UGT1A4: variants seen among roughly 807,000 people sequenced by gnomAD.
UGT1A4 encodes the protein UDP-glucuronosyltransferase 1A4.
UGT1A4 carries 32 observed loss-of-function variants against 41.1 expected under a neutral mutation model. The observed-to-expected ratio is 0.78, with a 90% CI of 0.59 to 1.05. The LOEUF (loss-of-function observed/expected upper bound fraction) is 1.05, where lower values mean the gene tolerates loss of function less well. Ranked by LOEUF, UGT1A4 falls within the 50% of genes least tolerant of loss-of-function variation. The pLI is 0.00. For missense variants in UGT1A4, 748 were observed against 677.4 expected (o/e 1.10, Z -1.16); for synonymous variants, 283 against 265.1 (o/e 1.07, Z -0.66).
chr2:233,752,759 A>G (rs942722882), intron 1 of UGT1A4, among the ~76,000 whole-genome samples: 3 of 152,242 alleles, frequency 2.0e-5, no homozygotes, highest in African/African-American at 7.2e-5. Context: ...ACAAACAAAC[A>G]AACAAACAAA....
chr2:233,767,880 C>G lies in UGT1A4; in HGVS notation c.1031C>G (p.Ser344Trp), dbSNP rs144978321. Reference sequence around the variant, plus strand: ...TGGCGGTACACTGGAACCCGACCATCGAATCTTGCGAACAACACGATACTT... The same window carrying G: ...TGGCGGTACACTGGAACCCGACCATGGAATCTTGCGAACAACACGATACTT... Reference protein sequence around the residue: ...VLWRYTGTRPSNLANNTILVK... With the variant: ...VLWRYTGTRPWNLANNTILVK... Residue 344 changes from serine to tryptophan, a missense_variant, in exon 3 of 5, where the codon TCG becomes TGG. By Grantham distance (177) the Ser-to-Trp change is radical. Transcript: ENST00000373409. 6.2e-7 allele frequency: 1 copy of G among 1,614,168 alleles called. No individual in the cohort carries two copies. The highest frequency in any genetic ancestry group is 1.7e-5 in the Admixed American group (1 of 60,018).
intron 1 of UGT1A4, among the ~76,000 whole-genome samples, chr2:233,727,802 A>G (rs1335895993): frequency 2.0e-5 from 3 of 152,156 alleles, no homozygotes; most frequent in East Asian, 1.9e-4. Context: ...TGCCTGTCCC[A>G]TGGGTTCTGT....
intron 1 of UGT1A4, chr2:233,721,540 A>T (rs10929293): frequency 0.087 from 14,555 of 166,976 alleles, 833 homozygotes; most frequent in East Asian, 0.2. Context: ...CCATAGGTAA[A>T]TTTTTTCTTC....
At chr2:233,763,150 C>G (rs1298092077) in intron 1 of UGT1A4, among the ~76,000 whole-genome samples, 1 of 152,214 alleles carries the variant, frequency 6.6e-6, no homozygotes, top group Non-Finnish European at 1.5e-5. Context: ...CCATAAAAGT[C>G]TAAGTGGTGA....
intron 1 of UGT1A4, among the ~76,000 whole-genome samples, chr2:233,724,415 C>T (rs1413397133): frequency 1.7e-4 from 22 of 126,854 alleles, no homozygotes; most frequent in East Asian, 7.8e-4. Flanking sequence ...GGGTGGCTGC[C>T]GGGCGGAGAG....
intron 1 of UGT1A4, among the ~76,000 whole-genome samples, chr2:233,738,445 C>T (rs1322346055): frequency 2.6e-5 from 4 of 152,306 alleles, no homozygotes; most frequent in Non-Finnish European, 5.9e-5. Context: ...GCTCAGAAGA[C>T]AGGAAGATGT....
At chr2:233,738,852 A>G (rs1448497943) in intron 1 of UGT1A4, 2 of 152,248 alleles carry the variant, frequency 1.3e-5, no homozygotes, top group Admixed American at 1.3e-4. Flanking sequence ...AATCACCAAG[A>G]CAATGGGGAA....
chr2:233,771,657 A>G (rs1277760780), intron 4 of UGT1A4: 1 of 152,474 alleles, frequency 6.6e-6, no homozygotes, highest in Non-Finnish European at 1.5e-5. Flanking sequence ...AATATAATGA[A>G]ATTTCTCACA....
chr2:233,763,100 C>T (rs888370802), intron 1 of UGT1A4, among the ~76,000 whole-genome samples: 9 of 152,128 alleles, frequency 5.9e-5, no homozygotes, highest in Non-Finnish European at 7.3e-5. Context: ...GGAGAGGCAC[C>T]GAACTTTATC....
intron 1 of UGT1A4, among the ~76,000 whole-genome samples, chr2:233,757,184 G>A (rs1386483916): frequency 6.6e-6 from 1 of 151,202 alleles, no homozygotes; most frequent in Non-Finnish European, 1.5e-5. Context: ...CAAGGCAGAG[G>A]ACTCTGAATT....
chr2:233,747,089 ACTCTAT>A, intron 1 of UGT1A4: 1 of 1,215,556 alleles, frequency 8.2e-7, no homozygotes. Context: ...GGAGGAGAGC[ACTCTAT>A]CTTCCAATTA....
chr2:233,769,480 CGT>C lies in UGT1A4; in HGVS notation c.1307+1046_1307+1047del. 6.3e-7 allele frequency: 1 copy of C among 1,596,850 alleles called. No individual in the cohort carries two copies. Among genetic ancestry groups the C allele is most frequent in the East Asian group, 2.2e-5 (1 of 44,628 alleles). ...ATTCATATGCGTGTGTGTGTGTGTG[CGT>C]GTGTTTATGAGAGTGTCCATTGCTT... On this transcript the variant is annotated intron_variant, in intron 4 of 4. Transcript: ENST00000373409. The surrounding 1 kb of genome is among the most constrained non-coding windows in gnomAD (Gnocchi z 4.4).
At chr2:233,751,721 A>G (rs1455896739) in intron 1 of UGT1A4, among the ~76,000 whole-genome samples, 3 of 152,224 alleles carry the variant, frequency 2.0e-5, no homozygotes, top group African/African-American at 7.2e-5. Context: ...CTCACAAGTG[A>G]ACTCTTCCTC....
At chr2:233,732,356 G>A (rs946467388) in intron 1 of UGT1A4, among the ~76,000 whole-genome samples, 35 of 152,232 alleles carry the variant, frequency 2.3e-4, no homozygotes, top group Non-Finnish European at 4.6e-4. Context: ...TAGTCATGAA[G>A]TCCTGGCCCA....
chr2:233,724,277 C>T (rs1162056701), intron 1 of UGT1A4, among the ~76,000 whole-genome samples: 28 of 115,674 alleles, frequency 2.4e-4, no homozygotes, highest in Admixed American at 3.4e-4. Flanking sequence ...GGCGGCTGGC[C>T]GGGCGGGGGG....
At chr2:233,730,253 A>G (rs1350953092) in intron 1 of UGT1A4, among the ~76,000 whole-genome samples, 3 of 152,152 alleles carry the variant, frequency 2.0e-5, no homozygotes, top group Non-Finnish European at 4.4e-5. Context: ...TGTGACTCAT[A>G]GAGACTGTTG....
chr2:233,724,455 C>T lies in UGT1A4; in HGVS notation c.867+4768C>T, dbSNP rs528357739. The stretch of plus-strand genomic sequence containing the variant: ...CTCACTTCTCAGACAGGGCAGCTGC[C>T]GGGCGGAGGGGCTCCTCACTTCTCA... On this transcript the variant is annotated intron_variant, in intron 1 of 4. Transcript: ENST00000373409. Among the ~76,000 whole-genome samples, 1,260 of 127,892 alleles carry T rather than the reference C, an allele frequency of 9.9e-3. 63 individuals carry two copies. The highest frequency in any genetic ancestry group is 0.036 in the African/African-American group (1,175 of 32,784). 83.9% of individuals were successfully genotyped at this position (127,892 alleles called of 152,430 possible).
intron 4 of UGT1A4, chr2:233,770,023 G>A (rs1575848651): frequency 6.2e-6 from 1 of 160,986 alleles, no homozygotes; most frequent in Non-Finnish European, 1.4e-5. Flanking sequence ...TTCTTTCCCT[G>A]CACTGTTGAA....
chr2:233,725,031 A>T (rs1445155705), intron 1 of UGT1A4, among the ~76,000 whole-genome samples: 4 of 148,206 alleles, frequency 2.7e-5, no homozygotes, highest in Admixed American at 1.3e-4. Context: ...CCCGGTCTCC[A>T]CCAAAACCAG....
Sources: gnomAD v4.1 joint callset for allele counts (sites outside exome capture counted in the v4.1 genomes callset) on GRCh38, gnomAD v4.1.1 for gene constraint, Gnocchi (gnomAD v3.1) non-coding constraint, MANE v1.5 for transcripts, NCBI Gene and HGNC (gene_info 2026-07-23, HGNC 2026-07-21) for gene names.